The following PDE8B variants were observed in gnomAD, a reference collection of about 807,000 sequenced individuals.
The protein encoded by PDE8B is phosphodiesterase 8B, also known as high affinity cAMP-specific and IBMX-insensitive 3',5'-cyclic phosphodiesterase 8B.
In PDE8B, 26 loss-of-function variants were observed where a neutral mutation model predicts 101.3. The observed-to-expected ratio is 0.26, with a 90% CI of 0.19 to 0.36. The LOEUF (loss-of-function observed/expected upper bound fraction) is 0.36, where lower values mean the gene tolerates loss of function less well. Ranked by LOEUF, PDE8B falls within the 10% of genes least tolerant of loss-of-function variation. The pLI is 1.00. For missense variants in PDE8B, 810 were observed against 1,163.1 expected, an observed-to-expected ratio of 0.70 and a Z score of 4.42; for synonymous variants, 424 against 429.3, an observed-to-expected ratio of 0.99 and a Z score of 0.15.
At chr5:77,260,157 C>CAAAAAAAAAAAAAAAGAAA (rs1760189389) in intron 1 of PDE8B, among the ~76,000 whole-genome samples, 1 of 100,982 alleles carries the variant, frequency 9.9e-6, no homozygotes, top group African/African-American at 3.7e-5. Flanking sequence ...AACTCCATCA[C>CAAAAAAAAAAAAAAAGAAA]AAAAAAAAAA....
At chr5:77,194,290 T>C in the PDE8B span, among the ~76,000 whole-genome samples, 1 of 152,206 alleles carries the variant, frequency 6.6e-6, no homozygotes, top group Admixed American at 6.5e-5. Flanking sequence ...AAAAGTTTCC[T>C]TTCTTGACTT....
intron 3 of PDE8B, among the ~76,000 whole-genome samples, chr5:77,327,057 T>C (rs186400981): frequency 2.1e-4 from 32 of 152,360 alleles, no homozygotes; most frequent in African/African-American, 7.2e-4. Context: ...AGAAGTCAGA[T>C]GTACATATCT....
intron 1 of PDE8B, among the ~76,000 whole-genome samples, chr5:77,269,755 C>T (rs1292948950): frequency 6.6e-6 from 1 of 152,130 alleles, no homozygotes; most frequent in Non-Finnish European, 1.5e-5. Flanking sequence ...ATATTCTTGG[C>T]ACCTTTGTTG....
chr5:77,288,848 T>G (rs1262366183), intron 1 of PDE8B, among the ~76,000 whole-genome samples: 1 of 151,222 alleles, frequency 6.6e-6, no homozygotes, highest in African/African-American at 2.4e-5. Flanking sequence ...TCTTTTTTTT[T>G]TTTTTTTTTT....
intron 10 of PDE8B, among the ~76,000 whole-genome samples, chr5:77,389,965 G>A (rs1477707834): frequency 1.3e-5 from 2 of 152,084 alleles, no homozygotes; most frequent in Non-Finnish European, 2.9e-5. Flanking sequence ...GGGACTGTTG[G>A]GCTGCGTAGT....
chr5:77,101,800 A>C, the PDE8B span, among the ~76,000 whole-genome samples: 1 of 152,064 alleles, frequency 6.6e-6, no homozygotes, highest in East Asian at 1.9e-4. Context: ...TACTTACATG[A>C]GGTGCTTAGG....
Position 77,427,872 on chromosome 5 carries a change from T to C in PDE8B, c.*1318T>C, listed in dbSNP as rs1318274130. 1.3e-5 allele frequency: 2 copies of C among 152,182 alleles called. No individual in the cohort carries two copies. Among genetic ancestry groups the C allele is most frequent in the Non-Finnish European group, 2.9e-5 (2 of 68,032 alleles). The allele number at this position is 152,182 out of a possible 1,614,324, so 9.4% of individuals were successfully genotyped here. On this transcript the variant is annotated 3_prime_UTR_variant, in exon 22 of 22. Coordinates refer to ENST00000264917, the MANE Select transcript of PDE8B (RefSeq NM_003719.5). ...TACTTCATGCTGCATTTTTAAAAGG[T>C]ATAAACAAACAGAGACTGAATTAAT...
chr5:77,368,528 G>A (rs902643694), intron 10 of PDE8B, among the ~76,000 whole-genome samples: 3 of 152,030 alleles, frequency 2.0e-5, no homozygotes, highest in Non-Finnish European at 4.4e-5. Context: ...CTGTCCTTTC[G>A]GAGCCCTGCT....
chr5:77,255,975 G>C (rs1367710548), intron 1 of PDE8B, among the ~76,000 whole-genome samples: 2 of 152,204 alleles, frequency 1.3e-5, no homozygotes, highest in African/African-American at 4.8e-5. Context: ...CAACTGTGTA[G>C]TGTGCCCTGG....
In PDE8B at chr5:77,412,249, C is replaced by T. The variant is rs1213111642; in HGVS notation, c.1712+14C>T. 7.4e-6 allele frequency: 12 copies of T among 1,613,630 alleles called. No homozygotes were observed. The East Asian group carries it at 2.5e-4, about 33-fold the overall frequency. On this transcript the variant is annotated intron_variant, in intron 16 of 21. Coordinates refer to ENST00000264917, the MANE Select transcript of PDE8B (RefSeq NM_003719.5). The stretch of plus-strand genomic sequence containing the variant: ...TACGCATAAAAGGTATGTGACTTCT[C>T]TGGCTGAAGGCAGAGCAGGATTGAT...
chr5:77,249,554 C>G (rs1313688129), intron 1 of PDE8B, among the ~76,000 whole-genome samples: 1 of 152,198 alleles, frequency 6.6e-6, no homozygotes, highest in Admixed American at 6.5e-5. Context: ...AAGGAGAAAT[C>G]AGGAAAATTT....
chr5:77,421,713 C>T lies in PDE8B; in HGVS notation c.2251-108C>T, dbSNP rs1387611633. 7 of 1,007,336 alleles carry T rather than the reference C, an allele frequency of 6.9e-6. No individual in the cohort carries two copies. The East Asian group carries it at 1.2e-4, about 18-fold the overall frequency. 62.4% of individuals were successfully genotyped at this position (1,007,336 alleles called of 1,614,324 possible). A position where few individuals can be genotyped will look rare whatever the true frequency, so the allele number is the denominator to read the frequency against. The stretch of plus-strand genomic sequence containing the variant: ...AGGAAAAGCTGCCTTCGCCGAGTCC[C>T]AGTCCTACCTGTGTGCTCGGTGATC... On this transcript the variant is annotated intron_variant, in intron 19 of 21. Coordinates refer to ENST00000264917, the MANE Select transcript of PDE8B (RefSeq NM_003719.5).
chr5:77,303,241 T>A (rs574365138), intron 1 of PDE8B, among the ~76,000 whole-genome samples: 26 of 152,158 alleles, frequency 1.7e-4, no homozygotes, highest in Admixed American at 1.0e-3. Context: ...ATTTACTGCT[T>A]AAAAAAATAG....
chr5:77,239,618 A>T (rs1028024074), intron 1 of PDE8B, among the ~76,000 whole-genome samples: 1 of 152,224 alleles, frequency 6.6e-6, no homozygotes, highest in South Asian at 2.1e-4. Flanking sequence ...GTGGAAAATA[A>T]CATCTAACCT....
chr5:77,172,534 T>C, the PDE8B span, among the ~76,000 whole-genome samples: 1 of 152,228 alleles, frequency 6.6e-6, no homozygotes, highest in Admixed American at 6.5e-5. Context: ...GGACAGTCTG[T>C]CCCTCAATCA....
At chr5:77,149,569 G>A in the PDE8B span, among the ~76,000 whole-genome samples, 7 of 152,108 alleles carry the variant, frequency 4.6e-5, no homozygotes, top group African/African-American at 1.7e-4. Context: ...TAGCGTACAA[G>A]TCTTAAACTT....
At chr5:77,283,614 T>C (rs1327245853) in intron 1 of PDE8B, among the ~76,000 whole-genome samples, 1 of 152,232 alleles carries the variant, frequency 6.6e-6, no homozygotes, top group Non-Finnish European at 1.5e-5. Flanking sequence ...TTGACTCCTT[T>C]CACTTAGTAA....
intron 1 of PDE8B, among the ~76,000 whole-genome samples, chr5:77,220,494 G>A (rs552897967): frequency 2.0e-5 from 3 of 152,314 alleles, no homozygotes; most frequent in South Asian, 2.1e-4. Context: ...TTGGATGAAC[G>A]TGAAAGGCAG....
At chr5:77,175,361 T>C in the PDE8B span, among the ~76,000 whole-genome samples, 1 of 152,242 alleles carries the variant, frequency 6.6e-6, no homozygotes. Context: ...TGGACTGTTG[T>C]CACTTCCTTG....
Sources: allele counts gnomAD v4.1 joint callset (sites outside exome capture counted in the v4.1 genomes callset), GRCh38; gene constraint gnomAD v4.1.1; transcripts MANE v1.5; gene names NCBI Gene and HGNC (gene_info 2026-07-23, HGNC 2026-07-21).